The following CHRM5 variants were observed in gnomAD, a reference collection of about 807,000 sequenced individuals.
The protein encoded by CHRM5 is muscarinic acetylcholine receptor M5.
Under a neutral mutation model 39.0 loss-of-function variants are expected in CHRM5, and 18 were observed. That is an observed-to-expected ratio of 0.46 (90% CI 0.32 to 0.68). CHRM5 has a LOEUF of 0.68. Among genes scored for constraint, CHRM5 ranks in the 30% least tolerant of loss-of-function variants. CHRM5 has a pLI of 0.04. For synonymous variants in CHRM5, 241 were observed against 246.3 expected (o/e 0.98, Z 0.20); for missense variants, 515 against 651.1 (o/e 0.79, Z 2.28).
intron 2 of CHRM5, among the ~76,000 whole-genome samples, chr15:34,049,924 A>G (rs564071157): frequency 5.5e-5 from 8 of 145,362 alleles, no homozygotes; most frequent in Non-Finnish European, 9.0e-5. Flanking sequence ...ATCTCACTCC[A>G]TCACCTAGGC....
chr15:33,969,255 T>C (rs1895523454), intron 1 of CHRM5, 105 bp downstream of exon 1: 1 of 152,072 alleles, frequency 6.6e-6, no homozygotes, highest in Non-Finnish European at 1.5e-5. Flanking sequence ...AACCCTTCCT[T>C]AAGCTTTTGC....
intron 1 of CHRM5, among the ~76,000 whole-genome samples, chr15:33,993,507 T>C (rs1318306580): frequency 6.6e-6 from 1 of 152,204 alleles, no homozygotes; most frequent in Non-Finnish European, 1.5e-5. Flanking sequence ...TGGAAAGGGC[T>C]GCCTCTCCAA....
At chr15:34,017,568 T>A (rs1320230377) in intron 1 of CHRM5, among the ~76,000 whole-genome samples, 2 of 145,606 alleles carry the variant, frequency 1.4e-5, no homozygotes, top group African/African-American at 5.0e-5. Flanking sequence ...GCAACCTCCA[T>A]CTCCCAGTTC....
chr15:34,034,186 TA>T (rs1195023406), intron 1 of CHRM5, among the ~76,000 whole-genome samples: 2 of 152,190 alleles, frequency 1.3e-5, no homozygotes, highest in African/African-American at 4.8e-5. Flanking sequence ...CTCACATCTG[TA>T]ACCCCAGCAC....
intron 2 of CHRM5, among the ~76,000 whole-genome samples, chr15:34,048,112 G>A (rs1899785317): frequency 6.6e-6 from 1 of 152,176 alleles, no homozygotes; most frequent in Non-Finnish European, 1.5e-5. Flanking sequence ...CTGAACTCAA[G>A]CAATCCACTT....
At chr15:33,980,374 G>A (rs567504425) in intron 1 of CHRM5, among the ~76,000 whole-genome samples, 1 of 152,256 alleles carries the variant, frequency 6.6e-6, no homozygotes, top group East Asian at 1.9e-4. Context: ...CTGCTCTAAC[G>A]TGATTCCACC....
Position 34,062,802 on chromosome 15 carries a change from G to A in CHRM5, c.85G>A (p.Glu29Lys), listed in dbSNP as rs746417976. 1 of 1,614,222 alleles carries A rather than the reference G, an allele frequency of 6.2e-7. No homozygotes were observed. Among genetic ancestry groups the A allele is most frequent in the South Asian group, 1.1e-5 (1 of 91,086 alleles). The change falls in exon 3 of 3, where the codon GAA (glutamate) becomes AAA (lysine). Residue 29 changes from glutamate (E) to lysine (K), a missense_variant. Coordinates refer to ENST00000383263, the MANE Select transcript of CHRM5 (RefSeq NM_012125.4). ...GCCTTTGGAACGCCACAGGTTGTGG[G>A]AAGTCATCACCATTGCAGCTGTGAC... Reference protein sequence around the residue: ...HQPLERHRLWEVITIAAVTAV... With the variant: ...HQPLERHRLWKVITIAAVTAV...
At chr15:34,057,906 ATTTTC>A (rs758768850) in intron 2 of CHRM5, among the ~76,000 whole-genome samples, 5 of 152,138 alleles carry the variant, frequency 3.3e-5, no homozygotes, top group East Asian at 3.9e-4. Context: ...ACTGTAAATT[ATTTTC>A]TTTTCCCTTT....
intron 1 of CHRM5, among the ~76,000 whole-genome samples, chr15:34,044,326 G>C: frequency 6.6e-6 from 1 of 152,104 alleles, no homozygotes; most frequent in East Asian, 1.9e-4. Flanking sequence ...CAATGGTCAG[G>C]TCACTGGCCT....
intron 1 of CHRM5, among the ~76,000 whole-genome samples, chr15:33,983,974 C>T (rs1423124392): frequency 6.7e-6 from 1 of 150,106 alleles, no homozygotes; most frequent in African/African-American, 2.4e-5. Flanking sequence ...GGACATTCTA[C>T]AATATGGTCT....
At chr15:34,030,314 A>G (rs1898715068) in intron 1 of CHRM5, among the ~76,000 whole-genome samples, 1 of 152,124 alleles carries the variant, frequency 6.6e-6, no homozygotes, top group African/African-American at 2.4e-5. Context: ...CATTGCATGA[A>G]ACTTTTTGAG....
chr15:34,024,496 A>C (rs1025081485), intron 1 of CHRM5, among the ~76,000 whole-genome samples: 4 of 148,674 alleles, frequency 2.7e-5, no homozygotes, highest in Non-Finnish European at 4.5e-5. Context: ...AAAAAAAAGA[A>C]GCACTTTGCT....
At chr15:33,981,989 T>C (rs1896171001) in intron 1 of CHRM5, among the ~76,000 whole-genome samples, 1 of 151,940 alleles carries the variant, frequency 6.6e-6, no homozygotes, top group Non-Finnish European at 1.5e-5. Flanking sequence ...TAGCTGGGAC[T>C]ACAGGTACAT....
At chr15:34,008,251 T>C (rs1897451476) in intron 1 of CHRM5, among the ~76,000 whole-genome samples, 1 of 151,662 alleles carries the variant, frequency 6.6e-6, no homozygotes, top group Admixed American at 6.6e-5. Context: ...CAAGACCCTA[T>C]CTCCACGAAA....
chr15:34,038,848 C>T, intron 1 of CHRM5: 6 of 1,171,388 alleles, frequency 5.1e-6, no homozygotes, highest in Non-Finnish European at 6.3e-6. Context: ...CCTCCTCCTC[C>T]TCGGCCTCCG....
intron 1 of CHRM5, among the ~76,000 whole-genome samples, chr15:33,981,976 T>C (rs1896170169): frequency 6.6e-6 from 1 of 151,694 alleles, no homozygotes; most frequent in African/African-American, 2.4e-5. Flanking sequence ...TCAGCCTCCC[T>C]AGTAGCTGGG....
At chr15:34,051,066 A>G (rs902100458) in intron 2 of CHRM5, among the ~76,000 whole-genome samples, 5 of 152,196 alleles carry the variant, frequency 3.3e-5, no homozygotes, top group Admixed American at 3.3e-4. Context: ...CATCACCCAC[A>G]GAACTTACTC....
At chr15:34,003,395 C>T (rs1329882024) in intron 1 of CHRM5, among the ~76,000 whole-genome samples, 3 of 152,126 alleles carry the variant, frequency 2.0e-5, no homozygotes, top group Non-Finnish European at 4.4e-5. Flanking sequence ...GTGAACTTTC[C>T]AGTAATCATT....
chr15:33,999,017 A>G (rs1897042830), intron 1 of CHRM5, among the ~76,000 whole-genome samples: 1 of 152,218 alleles, frequency 6.6e-6, no homozygotes, highest in Non-Finnish European at 1.5e-5. Flanking sequence ...CATGTCGCCT[A>G]TTAGATGTTG....
Sources: allele counts gnomAD v4.1 joint callset (sites outside exome capture counted in the v4.1 genomes callset), GRCh38; gene constraint gnomAD v4.1.1; transcripts MANE v1.5; gene names NCBI Gene and HGNC (gene_info 2026-07-23, HGNC 2026-07-21).